Variants in RGS9 observed in about 807,000 individuals in gnomAD.
The protein encoded by RGS9 is regulator of G protein signaling 9.
In RGS9, 78 loss-of-function variants were observed where a neutral mutation model predicts 102.0. That is an observed-to-expected ratio of 0.76 (90% CI 0.64 to 0.92). The LOEUF (loss-of-function observed/expected upper bound fraction) is 0.92, where lower values mean the gene tolerates loss of function less well. Among genes scored for constraint, RGS9 ranks in the 40% least tolerant of loss-of-function variants. The pLI, the probability that RGS9 is intolerant of heterozygous loss-of-function variation, is 0.00. For missense variants in RGS9, 833 were observed against 866.1 expected (o/e 0.96, Z 0.48); for synonymous variants, 353 against 318.6 (o/e 1.11, Z -1.15).
chr17:65,206,461 C>T (rs576044979), intron 15 of RGS9, among the ~76,000 whole-genome samples: 5 of 152,238 alleles, frequency 3.3e-5, no homozygotes, highest in African/African-American at 7.2e-5. Context: ...GGGCAGATCA[C>T]GAGGTCGGGA....
chr17:65,214,535 G>A (rs1261904448), intron 17 of RGS9, among the ~76,000 whole-genome samples: 1 of 152,244 alleles, frequency 6.6e-6, no homozygotes, highest in Non-Finnish European at 1.5e-5. Context: ...CGTGCTTGAG[G>A]TATGTCTCAA....
intron 3 of RGS9, among the ~76,000 whole-genome samples, chr17:65,159,896 C>T (rs554464460): frequency 6.6e-6 from 1 of 152,300 alleles, no homozygotes; most frequent in East Asian, 1.9e-4. Flanking sequence ...TTCCCAGACC[C>T]AAAGGGCCTA....
At position 65,160,611 on chromosome 17, in the gene RGS9, G is replaced by A. The variant is rs745839860; in HGVS notation, c.364+24G>A. The A allele has an allele frequency of 4.3e-6, 7 of 1,612,464 alleles. No individual in the cohort carries two copies. In the East Asian group the frequency reaches 8.9e-5, roughly 21 times the overall value. On this transcript the variant is annotated intron_variant, in intron 5 of 18. Coordinates refer to ENST00000262406, the MANE Select transcript of RGS9 (RefSeq NM_003835.4). ...CGGTAAATACTTCAGCCCCAACTATGCCTTTGGTAGTGCTTAACATGCTGC... is the reference window on the plus strand; with the variant it reads ...CGGTAAATACTTCAGCCCCAACTATACCTTTGGTAGTGCTTAACATGCTGC...
At chr17:65,151,342 C>A (rs555693271) in intron 1 of RGS9, among the ~76,000 whole-genome samples, 32 of 121,722 alleles carry the variant, frequency 2.6e-4, no homozygotes, top group Non-Finnish European at 4.8e-4. Flanking sequence ...AAGACCTGTC[C>A]CAAAAAAAAA....
intron 1 of RGS9, among the ~76,000 whole-genome samples, chr17:65,148,064 A>G (rs1278609051): frequency 6.6e-6 from 1 of 152,142 alleles, no homozygotes; most frequent in Non-Finnish European, 1.5e-5. Context: ...GTTGAGTAGC[A>G]ACTCCCCAGT....
At chr17:65,167,901 A>T (rs1911254980) in intron 7 of RGS9, among the ~76,000 whole-genome samples, 2 of 152,002 alleles carry the variant, frequency 1.3e-5, no homozygotes, top group South Asian at 2.1e-4. Flanking sequence ...TAGCAGTGTG[A>T]CCCTGGTGGG....
chr17:65,146,136 C>T (rs912503031), intron 1 of RGS9, among the ~76,000 whole-genome samples: 8 of 152,162 alleles, frequency 5.3e-5, no homozygotes, highest in Non-Finnish European at 1.0e-4. Flanking sequence ...CAGAGAAACT[C>T]GGGTTTCTAA....
intron 9 of RGS9, chr17:65,180,053 G>T (rs976424889): frequency 6.6e-6 from 1 of 152,164 alleles, no homozygotes; most frequent in African/African-American, 2.4e-5. Flanking sequence ...GTATTAAGAA[G>T]AATAAAGAAC....
At chr17:65,223,586 C>T (rs1905460306) in intron 17 of RGS9, among the ~76,000 whole-genome samples, 1 of 152,232 alleles carries the variant, frequency 6.6e-6, no homozygotes, top group Non-Finnish European at 1.5e-5. Context: ...CCAGGGCTAC[C>T]TCCTTCAGCC....
intron 14 of RGS9, among the ~76,000 whole-genome samples, chr17:65,203,261 G>A (rs1357687256): frequency 6.6e-6 from 1 of 152,118 alleles, no homozygotes; most frequent in Non-Finnish European, 1.5e-5. Flanking sequence ...GGATCCATGC[G>A]CTGAGAGAAA....
At chr17:65,174,830 A>G (rs1363855303) in intron 8 of RGS9, among the ~76,000 whole-genome samples, 1 of 152,204 alleles carries the variant, frequency 6.6e-6, no homozygotes, top group African/African-American at 2.4e-5. Flanking sequence ...GAAACTTACA[A>G]TCATGGCGGA....
chr17:65,183,394 A>T (rs995911805), intron 9 of RGS9, among the ~76,000 whole-genome samples: 2 of 152,148 alleles, frequency 1.3e-5, no homozygotes, highest in Non-Finnish European at 2.9e-5. Flanking sequence ...AAGTGCTAGG[A>T]TTACAGATGT....
rs1477887077 is a variant in RGS9, at chr17:65,204,260, C to G, written c.1162C>G (p.Leu388Val). The change falls in exon 15 of 19, where the codon CTG (leucine) becomes GTG (valine). Residue 388 changes from leucine (L) to valine (V), a missense_variant. Coordinates refer to ENST00000262406, the MANE Select transcript of RGS9 (RefSeq NM_003835.4). The part of the protein sequence containing the change: ...KGLKHPHRYV[L>V]DAAQTHIYML... ...GCTGAAGCACCCCCACCGCTATGTG[C>G]TGGACGCCGCACAAACCCACATTTA... The G allele has an allele frequency of 2.5e-6, 4 of 1,613,710 alleles. No homozygotes were observed. The highest frequency in any genetic ancestry group is 3.4e-6 in the Non-Finnish European group (4 of 1,180,036).
In RGS9 at chr17:65,202,085, G is replaced by A. The variant is rs1214657563; in HGVS notation, c.1064+5G>A. ...GAAAGCAGAGGAGATTTACAAGTGA[G>A]CATCAGCCAGGGTGCTGGAAAGCCT... On this transcript the variant is annotated splice_donor_5th_base_variant and intron_variant, in intron 14 of 18. Coordinates refer to ENST00000262406, the MANE Select transcript of RGS9 (RefSeq NM_003835.4). The A allele has an allele frequency of 6.2e-7, 1 of 1,606,270 alleles. No homozygotes were observed. Among genetic ancestry groups the A allele is most frequent in the Non-Finnish European group, 8.5e-7 (1 of 1,173,098 alleles).
chr17:65,189,377 T>G, intron 10 of RGS9, 62 bp downstream of exon 10: 1 of 1,293,978 alleles, frequency 7.7e-7, no homozygotes, highest in Non-Finnish European at 1.1e-6. Flanking sequence ...TTATATGTAC[T>G]TTGTTTTACC....
At chr17:65,172,291 CCTCTTGGGTTCAAGCAATT>C (rs1911450002) in intron 8 of RGS9, among the ~76,000 whole-genome samples, 1 of 152,152 alleles carries the variant, frequency 6.6e-6, no homozygotes, top group African/African-American at 2.4e-5. Context: ...GCAACCTCTG[CCTCTTGGGTTCAAGCAATT>C]CTCCTGAATC....
At chr17:65,188,918 C>T (rs1371848006) in intron 9 of RGS9, 3 of 273,248 alleles carry the variant, frequency 1.1e-5, no homozygotes, top group Non-Finnish European at 1.4e-5. Context: ...CCTGGCCTTC[C>T]CCATTTTTCT....
chr17:65,187,808 C>T (rs1014036085), intron 9 of RGS9, among the ~76,000 whole-genome samples: 1 of 152,112 alleles, frequency 6.6e-6, no homozygotes, highest in African/African-American at 2.4e-5. Context: ...TGATCCTGGC[C>T]AACATGGTAA....
intron 3 of RGS9, 26 bp downstream of exon 3, chr17:65,158,371 A>T: frequency 6.2e-7 from 1 of 1,609,338 alleles, no homozygotes; most frequent in Non-Finnish European, 8.5e-7. Flanking sequence ...GCACTCAGTT[A>T]TCCGGGACAG....
Sources: gnomAD v4.1 joint callset for allele counts (sites outside exome capture counted in the v4.1 genomes callset) on GRCh38, gnomAD v4.1.1 for gene constraint, MANE v1.5 for transcripts, NCBI Gene and HGNC (gene_info 2026-07-23, HGNC 2026-07-21) for gene names.